The following VRK2 variants were observed in gnomAD, a reference collection of about 807,000 sequenced individuals.
VRK2 encodes the protein VRK serine/threonine kinase 2, also known as serine/threonine-protein kinase VRK2.
In VRK2, 60 loss-of-function variants were observed where a neutral mutation model predicts 57.6. That is an observed-to-expected ratio of 1.04 (90% CI 0.85 to 1.29). VRK2 has a LOEUF of 1.29. Among genes scored for constraint, VRK2 ranks in the 50% most tolerant of loss-of-function variants. The pLI is 0.00. For synonymous variants in VRK2, 231 were observed against 199.2 expected, an observed-to-expected ratio of 1.16 and a Z score of -1.35; for missense variants, 705 against 588.1, an observed-to-expected ratio of 1.20 and a Z score of -2.06.
At chr2:58,110,836 C>T (rs547720873) in intron 7 of VRK2, among the ~76,000 whole-genome samples, 2 of 152,214 alleles carry the variant, frequency 1.3e-5, no homozygotes, top group South Asian at 2.1e-4. Flanking sequence ...TGCCCACTCC[C>T]GACATTGGGG....
intron 1 of VRK2, among the ~76,000 whole-genome samples, chr2:57,909,839 T>C (rs1256257296): frequency 1.3e-5 from 2 of 152,188 alleles, no homozygotes; most frequent in African/African-American, 4.8e-5. Context: ...CGTTAAATTA[T>C]TGACCTGCTG....
At chr2:57,991,640 T>G (rs1035630601) in intron 1 of VRK2, among the ~76,000 whole-genome samples, 1 of 152,032 alleles carries the variant, frequency 6.6e-6, no homozygotes, top group Non-Finnish European at 1.5e-5. Context: ...CTAGTCTAGG[T>G]TAGACATCTT....
intron 7 of VRK2, among the ~76,000 whole-genome samples, chr2:58,091,376 A>T (rs1268371275): frequency 6.6e-6 from 1 of 152,174 alleles, no homozygotes; most frequent in Non-Finnish European, 1.5e-5. Flanking sequence ...TACCTAAATC[A>T]AACCTAAAAC....
chr2:57,920,512 G>C (rs1670306684), intron 1 of VRK2, among the ~76,000 whole-genome samples: 1 of 152,096 alleles, frequency 6.6e-6, no homozygotes, highest in South Asian at 2.1e-4. Context: ...TCAGTAGTAG[G>C]TGATGAAAGG....
intron 7 of VRK2, among the ~76,000 whole-genome samples, chr2:58,091,061 G>A (rs188981578): frequency 6.6e-6 from 1 of 152,312 alleles, no homozygotes; most frequent in East Asian, 1.9e-4. Context: ...TTAGAAGGGA[G>A]AGGAAGGATG....
chr2:58,021,967 C>G (rs568759602), intron 1 of VRK2, among the ~76,000 whole-genome samples: 1 of 152,150 alleles, frequency 6.6e-6, no homozygotes, highest in East Asian at 1.9e-4. Context: ...CACTTGAAAC[C>G]CTTAATCAGT....
chr2:58,130,859 T>A (rs1679090960), intron 8 of VRK2, among the ~76,000 whole-genome samples: 1 of 152,136 alleles, frequency 6.6e-6, no homozygotes, highest in African/African-American at 2.4e-5. Flanking sequence ...ATTTTACGGG[T>A]ATTTGCTGAT....
intron 7 of VRK2, among the ~76,000 whole-genome samples, chr2:58,097,564 T>G: frequency 6.6e-6 from 1 of 152,128 alleles, no homozygotes; most frequent in South Asian, 2.1e-4. Flanking sequence ...AATTTAAAAT[T>G]AAATTATACA....
chr2:58,149,316 G>C (rs1337266476), intron 12 of VRK2, among the ~76,000 whole-genome samples: 1 of 151,352 alleles, frequency 6.6e-6, no homozygotes, highest in East Asian at 1.9e-4. Context: ...TTTGTTGCTG[G>C]TATATAGAAA....
chr2:58,031,500 A>T (rs1016232335), intron 2 of VRK2, among the ~76,000 whole-genome samples: 1 of 152,070 alleles, frequency 6.6e-6, no homozygotes, highest in Admixed American at 6.6e-5. Context: ...TAAACCACTG[A>T]AGTTGAGAGT....
intron 1 of VRK2, among the ~76,000 whole-genome samples, chr2:57,946,173 A>G (rs1473553437): frequency 1.3e-5 from 2 of 152,120 alleles, no homozygotes; most frequent in African/African-American, 2.4e-5. Flanking sequence ...ATTGATTACA[A>G]TATGTATCAC....
intron 2 of VRK2, chr2:58,033,130 T>G (rs549922870): frequency 1.3e-5 from 2 of 152,248 alleles, no homozygotes; most frequent in East Asian, 3.9e-4. Context: ...ATGTTTGCTT[T>G]TATGCATAAG....
chr2:58,002,870 T>A (rs1232564795), intron 1 of VRK2, among the ~76,000 whole-genome samples: 1 of 152,208 alleles, frequency 6.6e-6, no homozygotes, highest in Non-Finnish European at 1.5e-5. Flanking sequence ...TGGAAATTAA[T>A]CTGCTAACAT....
At position 57,993,043 on chromosome 2, in the gene VRK2, G is replaced by T. The variant is rs570412404; in HGVS notation, c.-438-32622G>T. Among the ~76,000 whole-genome samples, 6 of 152,228 alleles carry T rather than the reference G, an allele frequency of 3.9e-5. No individual in the cohort carries two copies. The South Asian group carries it at 1.0e-3, about 26-fold the overall frequency. On this transcript the variant is annotated intron_variant, in intron 1 of 15. Coordinates refer to the VRK2 transcript ENST00000417641. ...AATAAAAATACTGATCCTATGAAGT[G>T]GTTCTACTGGTTAAATAATTTAATA...
intron 1 of VRK2, among the ~76,000 whole-genome samples, chr2:57,997,669 G>C (rs986674340): frequency 3.3e-5 from 5 of 152,140 alleles, no homozygotes; most frequent in Non-Finnish European, 7.3e-5. Context: ...TTGGGAAGCT[G>C]AAGTGGACAG....
chr2:58,093,534 G>GT (rs1254286434), intron 7 of VRK2, among the ~76,000 whole-genome samples: 1 of 152,028 alleles, frequency 6.6e-6, no homozygotes, highest in African/African-American at 2.4e-5. Flanking sequence ...TTGTAAATTT[G>GT]TTTGAGTTCT....
intron 12 of VRK2, among the ~76,000 whole-genome samples, chr2:58,156,581 TTTTTTTG>T (rs941032086): frequency 5.9e-5 from 8 of 134,864 alleles, no homozygotes; most frequent in African/African-American, 3.2e-4. Flanking sequence ...GTGGTGGTGT[TTTTTTTG>T]TTTTGTTTTG....
intron 12 of VRK2, among the ~76,000 whole-genome samples, chr2:58,149,491 G>T (rs1187241619): frequency 6.6e-6 from 1 of 151,598 alleles, no homozygotes; most frequent in African/African-American, 2.4e-5. Context: ...AATAGAGACA[G>T]TTTTACCTCT....
At chr2:58,152,385 T>A (rs35248619) in intron 12 of VRK2, among the ~76,000 whole-genome samples, 46,370 of 151,754 alleles carry the variant, frequency 0.31, 8,399 homozygotes, top group East Asian at 0.43. Flanking sequence ...CCTTTATCCC[T>A]CATCCTTTGT....
Sources: allele counts gnomAD v4.1 joint callset (sites outside exome capture counted in the v4.1 genomes callset), GRCh38; gene constraint gnomAD v4.1.1; transcripts MANE v1.5; gene names NCBI Gene and HGNC (gene_info 2026-07-23, HGNC 2026-07-21).